Variants in GRIK2 observed in about 807,000 individuals in gnomAD.
GRIK2 encodes the protein glutamate ionotropic receptor kainate type subunit 2.
GRIK2 carries 32 observed loss-of-function variants against 100.3 expected under a neutral mutation model. That is an observed-to-expected ratio of 0.32 (90% confidence interval 0.24 to 0.43). The LOEUF (loss-of-function observed/expected upper bound fraction) is 0.43. Among genes scored for constraint, GRIK2 ranks in the 20% least tolerant of loss-of-function variants. GRIK2 has a pLI of 1.00. For synonymous variants in GRIK2, 417 were observed against 389.4 expected (o/e 1.07, Z -0.83); for missense variants, 843 against 1,114.9 (o/e 0.76, Z 3.47).
intron 2 of GRIK2, among the ~76,000 whole-genome samples, chr6:101,615,662 G>C (rs1274409892): frequency 1.3e-5 from 2 of 151,612 alleles, no homozygotes; most frequent in Non-Finnish European, 3.0e-5. Flanking sequence ...ATAATAAAAA[G>C]AATAATTCTA....
At chr6:101,641,228 T>C (rs1200774569) in intron 4 of GRIK2, among the ~76,000 whole-genome samples, 1 of 152,086 alleles carries the variant, frequency 6.6e-6, no homozygotes, top group Non-Finnish European at 1.5e-5. Context: ...TTTTTAACTT[T>C]TAAAAAATGT....
At chr6:101,918,477 A>G (rs747294008) in intron 12 of GRIK2, among the ~76,000 whole-genome samples, 3 of 151,732 alleles carry the variant, frequency 2.0e-5, no homozygotes, top group South Asian at 4.1e-4. Flanking sequence ...ATTATTTTAT[A>G]TATTTTCTAA....
At chr6:101,647,625 A>G (rs895336991) in intron 4 of GRIK2, among the ~76,000 whole-genome samples, 1 of 152,070 alleles carries the variant, frequency 6.6e-6, no homozygotes, top group African/African-American at 2.4e-5. Context: ...GCATAATGTC[A>G]CTACAAGAAG....
chr6:101,761,123 T>G (rs760676579), intron 7 of GRIK2, among the ~76,000 whole-genome samples: 1 of 152,120 alleles, frequency 6.6e-6, no homozygotes, highest in Non-Finnish European at 1.5e-5. Context: ...GATCATAGCA[T>G]TCAGGGAGAA....
At chr6:101,517,739 T>G (rs1222173873) in intron 2 of GRIK2, among the ~76,000 whole-genome samples, 1 of 152,120 alleles carries the variant, frequency 6.6e-6, no homozygotes, top group African/African-American at 2.4e-5. Context: ...AAGCAGATAT[T>G]TAGTAATATT....
chr6:101,640,976 A>T (rs533225531), intron 4 of GRIK2, among the ~76,000 whole-genome samples: 2 of 152,294 alleles, frequency 1.3e-5, no homozygotes, highest in South Asian at 4.1e-4. Flanking sequence ...TGACAAAATT[A>T]TTAATCACTT....
intron 14 of GRIK2, among the ~76,000 whole-genome samples, chr6:102,002,262 GTGTGTGTGTATGTA>G (rs1229202676): frequency 6.7e-6 from 1 of 149,106 alleles, no homozygotes; most frequent in Non-Finnish European, 1.5e-5. Flanking sequence ...CCTGGATTAT[GTGTGTGTGTATGTA>G]TGTGTGTGTA....
intron 2 of GRIK2, among the ~76,000 whole-genome samples, chr6:101,495,878 A>G (rs1039335881): frequency 2.0e-5 from 3 of 151,952 alleles, no homozygotes; most frequent in Non-Finnish European, 2.9e-5. Context: ...TAAATCATAT[A>G]CTGACTACAA....
At chr6:102,008,111 T>C (rs1795336636) in intron 14 of GRIK2, among the ~76,000 whole-genome samples, 1 of 152,044 alleles carries the variant, frequency 6.6e-6, no homozygotes, top group African/African-American at 2.4e-5. Flanking sequence ...GTAAAGTGTT[T>C]TATGCCAAGG....
intron 2 of GRIK2, among the ~76,000 whole-genome samples, chr6:101,450,836 G>T (rs1434788360): frequency 6.6e-6 from 1 of 151,754 alleles, no homozygotes; most frequent in East Asian, 1.9e-4. Flanking sequence ...AACTGAGGGA[G>T]TAGAGTAAGA....
At chr6:101,798,175 A>T (rs892005500) in intron 7 of GRIK2, among the ~76,000 whole-genome samples, 1 of 151,720 alleles carries the variant, frequency 6.6e-6, no homozygotes, top group Non-Finnish European at 1.5e-5. Context: ...AGGCTCTCTT[A>T]CGTTTTGTGC....
rs571870763 is a variant in GRIK2, at chr6:101,800,676, C to T, written c.1095+885C>T. Among the ~76,000 whole-genome samples the T allele has an allele frequency of 1.1e-4, 17 of 152,126 alleles. No individual in the cohort carries two copies. The East Asian group carries it at 3.3e-3, about 29-fold the overall frequency. On this transcript the variant is annotated intron_variant, in intron 8 of 16. Transcript: ENST00000369134. ...TTTTCTTTGTCTAATTCTTATCAAA[C>T]TCTCAGGTAGATGAATTAATAGTTT...
chr6:101,772,444 C>T (rs1386816411), intron 7 of GRIK2, among the ~76,000 whole-genome samples: 3 of 152,156 alleles, frequency 2.0e-5, no homozygotes, highest in Non-Finnish European at 4.4e-5. Flanking sequence ...CACTGAGTTA[C>T]TAGGACCATA....
At chr6:101,893,690 G>T (rs1306196667) in intron 12 of GRIK2, among the ~76,000 whole-genome samples, 2 of 151,542 alleles carry the variant, frequency 1.3e-5, no homozygotes, top group African/African-American at 4.8e-5. Context: ...CCTCTAGTAA[G>T]CACTAATTAG....
At chr6:101,650,479 T>G (rs538676608) in intron 4 of GRIK2, among the ~76,000 whole-genome samples, 1 of 152,242 alleles carries the variant, frequency 6.6e-6, no homozygotes, top group Admixed American at 6.5e-5. Flanking sequence ...TACCAAAAAC[T>G]GTTTCATCCA....
At chr6:101,695,166 A>G (rs1772390966) in intron 7 of GRIK2, among the ~76,000 whole-genome samples, 1 of 152,074 alleles carries the variant, frequency 6.6e-6, no homozygotes, top group African/African-American at 2.4e-5. Flanking sequence ...GCCCAGATCA[A>G]GGTATTGGCA....
At chr6:101,783,869 G>A (rs983490477) in intron 7 of GRIK2, among the ~76,000 whole-genome samples, 1 of 152,166 alleles carries the variant, frequency 6.6e-6, no homozygotes, top group Non-Finnish European at 1.5e-5. Flanking sequence ...GGGAAAAAAT[G>A]TCTAAGCAGC....
chr6:101,686,658 G>A lies in GRIK2; in HGVS notation c.951+305G>A, dbSNP rs544774950. Among the ~76,000 whole-genome samples the A allele has an allele frequency of 3.3e-5, 5 of 152,182 alleles. No individual in the cohort carries two copies. The East Asian group carries it at 9.7e-4, about 29-fold the overall frequency. On this transcript the variant is annotated intron_variant, in intron 7 of 16. Coordinates refer to ENST00000369134, the MANE Select transcript of GRIK2 (RefSeq NM_021956.5). ...TGGGAGAAATGAGAGACTGAAAGAA[G>A]ACATACATCTGGTAGTTATCCTTCT...
At chr6:101,614,441 C>T (rs894154829) in intron 2 of GRIK2, among the ~76,000 whole-genome samples, 2 of 151,544 alleles carry the variant, frequency 1.3e-5, no homozygotes, top group African/African-American at 2.4e-5. Context: ...AAGACTTGAT[C>T]TCCTAAGAGT....
Sources: gnomAD v4.1 joint callset for allele counts (sites outside exome capture counted in the v4.1 genomes callset) on GRCh38, gnomAD v4.1.1 for gene constraint, MANE v1.5 for transcripts, NCBI Gene and HGNC (gene_info 2026-07-23, HGNC 2026-07-21) for gene names.